The following SGCZ variants were observed in gnomAD, a reference collection of about 807,000 sequenced individuals.
SGCZ encodes sarcoglycan zeta.
A neutral mutation model predicts 41.3 loss-of-function variants in SGCZ; 40 were observed. The observed-to-expected ratio is 0.97, with a 90% CI of 0.75 to 1.26. The LOEUF is 1.26. SGCZ is among the 50% of genes most tolerant of loss of function. The pLI, the probability that SGCZ is intolerant of heterozygous loss-of-function variation, is 0.00. For missense variants in SGCZ, 552 were observed against 369.8 expected (o/e 1.49, Z -4.04); for synonymous variants, 206 against 137.5 (o/e 1.50, Z -3.49).
intron 1 of SGCZ, among the ~76,000 whole-genome samples, chr8:14,929,166 A>G (rs1799854311): frequency 6.6e-6 from 1 of 151,912 alleles, no homozygotes; most frequent in East Asian, 1.9e-4. Flanking sequence ...TAATTTTTGT[A>G]GTTTTTAGTA....
intron 1 of SGCZ, among the ~76,000 whole-genome samples, chr8:14,887,494 A>G (rs1465084531): frequency 6.6e-6 from 1 of 152,216 alleles, no homozygotes; most frequent in African/African-American, 2.4e-5. Flanking sequence ...ATTACTGGTA[A>G]GGATATTATT....
chr8:14,417,724 C>G (rs1227084614), intron 2 of SGCZ, among the ~76,000 whole-genome samples: 1 of 151,706 alleles, frequency 6.6e-6, no homozygotes, highest in Non-Finnish European at 1.5e-5. Flanking sequence ...AAGTTGAGAA[C>G]TTGTTTTACA....
intron 1 of SGCZ, among the ~76,000 whole-genome samples, chr8:14,881,486 A>G (rs1804588032): frequency 6.6e-6 from 1 of 152,142 alleles, no homozygotes; most frequent in East Asian, 1.9e-4. Context: ...TGCAGATTGC[A>G]GCAGAGGGAC....
intron 2 of SGCZ, among the ~76,000 whole-genome samples, chr8:14,458,648 C>G (rs959077822): frequency 3.3e-5 from 5 of 152,076 alleles, no homozygotes; most frequent in Non-Finnish European, 7.4e-5. Flanking sequence ...AACATGTGGA[C>G]TAGGATCTCT....
chr8:14,264,364 C>A (rs1297161489), intron 3 of SGCZ, among the ~76,000 whole-genome samples: 2 of 152,138 alleles, frequency 1.3e-5, no homozygotes, highest in Non-Finnish European at 2.9e-5. Flanking sequence ...TGGAGCTCTG[C>A]AGTGCCTCAC....
chr8:15,110,845 G>C (rs917088774), intron 1 of SGCZ, among the ~76,000 whole-genome samples: 3 of 152,114 alleles, frequency 2.0e-5, no homozygotes, highest in Non-Finnish European at 4.4e-5. Context: ...GCATGCACCT[G>C]TAATCCCAGC....
intron 1 of SGCZ, among the ~76,000 whole-genome samples, chr8:14,863,859 A>G (rs1803837698): frequency 6.6e-6 from 1 of 152,096 alleles, no homozygotes; most frequent in East Asian, 1.9e-4. Flanking sequence ...GGCAATTAGT[A>G]CCTTTCATGG....
chr8:15,117,732 A>G (rs976015984), intron 1 of SGCZ, among the ~76,000 whole-genome samples: 1 of 152,264 alleles, frequency 6.6e-6, no homozygotes, highest in Non-Finnish European at 1.5e-5. Context: ...GATAAATAAA[A>G]GCCATTTACT....
intron 4 of SGCZ, among the ~76,000 whole-genome samples, chr8:14,189,590 T>C (rs1187440820): frequency 6.6e-6 from 1 of 152,214 alleles, no homozygotes; most frequent in Admixed American, 6.5e-5. Flanking sequence ...TATTTAGCTT[T>C]TCATAATGAG....
chr8:14,255,449 C>T (rs901600028), intron 3 of SGCZ, among the ~76,000 whole-genome samples: 1 of 151,960 alleles, frequency 6.6e-6, no homozygotes, highest in African/African-American at 2.4e-5. Context: ...TTCTAATGCC[C>T]AACACCAACA....
At chr8:14,990,761 C>T (rs1193209343) in intron 1 of SGCZ, among the ~76,000 whole-genome samples, 1 of 152,112 alleles carries the variant, frequency 6.6e-6, no homozygotes, top group African/African-American at 2.4e-5. Context: ...CATCCCAGTG[C>T]TAACTCGGTC....
chr8:14,268,696 A>G lies in SGCZ; in HGVS notation c.337-31017T>C, dbSNP rs181238923. ...TGGTGGCATATATATGTGTTATTAG[A>G]ACATGAGAAAATTATAAAAACAAAG... On this transcript the variant is annotated intron_variant, in intron 3 of 7. Coordinates refer to ENST00000382080, the MANE Select transcript of SGCZ (RefSeq NM_139167.4). 1.1e-4 allele frequency among the ~76,000 whole-genome samples: 17 copies of G among 152,030 alleles called. No individual in the cohort carries two copies. The East Asian group carries it at 3.3e-3, about 29-fold the overall frequency.
At chr8:14,339,085 A>G (rs1018515290) in intron 2 of SGCZ, among the ~76,000 whole-genome samples, 1 of 147,186 alleles carries the variant, frequency 6.8e-6, no homozygotes, top group Admixed American at 6.8e-5. Flanking sequence ...GTTGACAACT[A>G]TAACATATTA....
chr8:14,747,085 T>C (rs984389602), intron 1 of SGCZ, among the ~76,000 whole-genome samples: 1 of 152,184 alleles, frequency 6.6e-6, no homozygotes, highest in African/African-American at 2.4e-5. Context: ...CTATTTCAAT[T>C]GGGGTAAGAT....
At chr8:14,979,615 G>A (rs1801595971) in intron 1 of SGCZ, among the ~76,000 whole-genome samples, 1 of 152,174 alleles carries the variant, frequency 6.6e-6, no homozygotes, top group Non-Finnish European at 1.5e-5. Flanking sequence ...CTGCATTTTA[G>A]AAAATGTTTT....
At chr8:14,839,009 T>C (rs1036290318) in intron 1 of SGCZ, among the ~76,000 whole-genome samples, 3 of 152,054 alleles carry the variant, frequency 2.0e-5, no homozygotes, top group Non-Finnish European at 4.4e-5. Context: ...AAGAAAGACC[T>C]GGAGGGTCTT....
At chr8:14,446,750 G>A (rs879779082) in intron 2 of SGCZ, among the ~76,000 whole-genome samples, 1 of 152,190 alleles carries the variant, frequency 6.6e-6, no homozygotes, top group South Asian at 2.1e-4. Flanking sequence ...GACTGTAATT[G>A]AGTCTTCATG....
chr8:14,274,480 C>T (rs776918655), intron 3 of SGCZ, among the ~76,000 whole-genome samples: 10 of 152,152 alleles, frequency 6.6e-5, no homozygotes, highest in Non-Finnish European at 1.2e-4. Context: ...GATTTCAGAA[C>T]ACAAGTTTAG....
chr8:15,080,851 C>G (rs1805720581), intron 1 of SGCZ, among the ~76,000 whole-genome samples: 1 of 152,104 alleles, frequency 6.6e-6, no homozygotes, highest in Admixed American at 6.6e-5. Context: ...CTTGGCCTCC[C>G]AAAGTGCTGG....
Sources: allele counts gnomAD v4.1 joint callset (sites outside exome capture counted in the v4.1 genomes callset), GRCh38; gene constraint gnomAD v4.1.1; transcripts MANE v1.5; gene names NCBI Gene and HGNC (gene_info 2026-07-23, HGNC 2026-07-21).